The following GPT variants were observed in gnomAD, a reference collection of about 807,000 sequenced individuals.
GPT encodes glutamic--pyruvic transaminase.
Under a neutral mutation model 51.4 loss-of-function variants are expected in GPT, and 60 were observed. That is an observed-to-expected ratio of 1.17 (90% CI 0.95 to 1.45). The LOEUF (loss-of-function observed/expected upper bound fraction) is 1.45, where lower values mean the gene tolerates loss of function less well. Among genes scored for constraint, GPT ranks in the 40% most tolerant of loss-of-function variants. The pLI is 0.00. For missense variants in GPT, 853 were observed against 704.0 expected (o/e 1.21, Z -2.40); for synonymous variants, 397 against 303.1 (o/e 1.31, Z -3.22).
rs973977356 is a variant in GPT, at chr8:144,505,838, G to A, written c.740-10G>A. 8 of 1,543,526 alleles carry A rather than the reference G, an allele frequency of 5.2e-6. No individual in the cohort carries two copies. The highest frequency in any genetic ancestry group is 1.2e-5 in the South Asian group (1 of 84,324). On this transcript the variant is annotated splice_polypyrimidine_tract_variant and intron_variant, in intron 5 of 10. Coordinates refer to ENST00000394955, the MANE Select transcript of GPT (RefSeq NM_005309.3). ...GCTCACCCAGCACTGCTGCCTCCCCGGCACCCCAGGGCAGGTGCAGACCCG... is the reference window on the plus strand; with the variant it reads ...GCTCACCCAGCACTGCTGCCTCCCCAGCACCCCAGGGCAGGTGCAGACCCG...
At position 144,507,052 on chromosome 8, in the gene GPT, C is replaced by T. The variant is rs1181886639; in HGVS notation, c.*52C>T. 1 of 1,037,614 alleles carries T rather than the reference C, an allele frequency of 9.6e-7. No individual in the cohort carries two copies. Among genetic ancestry groups the T allele is most frequent in the Non-Finnish European group, 1.4e-6 (1 of 727,722 alleles). 64.3% of individuals were successfully genotyped at this position (1,037,614 alleles called of 1,614,324 possible). On this transcript the variant is annotated 3_prime_UTR_variant, in exon 11 of 11. Coordinates refer to ENST00000394955, the MANE Select transcript of GPT (RefSeq NM_005309.3). ...CGCCCTGGACTGTGTGCTCAGGAGC[C>T]CTGGGAGGCTCTGGAGCCCACTGTA...
Position 144,506,926 on chromosome 8 carries a change from C to G in GPT, c.1417C>G (p.Pro473Ala), listed in dbSNP as rs564095309. The change falls in exon 11 of 11, where the codon CCC becomes GCC. Residue 473 changes from proline to alanine, a missense_variant. Pro to Ala is a conservative substitution (Grantham distance 27). Coordinates refer to ENST00000394955, the MANE Select transcript of GPT (RefSeq NM_005309.3). The surrounding 1 kb of genome is among the most constrained non-coding windows in gnomAD (Gnocchi z 7.0). ...TCCTTTCAGGATGACCATTCTGCCC[C>G]CCTTGGAGAAACTGCGGCTGCTGCT... Reference protein sequence around the residue: ...TYHFRMTILPPLEKLRLLLEK... With the variant: ...TYHFRMTILPALEKLRLLLEK... 2 of 1,612,974 alleles carry G rather than the reference C, an allele frequency of 1.2e-6. No individual in the cohort carries two copies. The highest frequency in any genetic ancestry group is 1.3e-5 in the African/African-American group (1 of 75,060).
At chr8:144,503,745 G>A (rs13263528), upstream of GPT, 5 of 159,664 alleles carry the variant, frequency 3.1e-5, no homozygotes, top group Non-Finnish European at 4.1e-5. Flanking sequence ...CAAAGATGCG[G>A]GTGCCACGAG....
At position 144,507,106 on chromosome 8, in the gene GPT, T is replaced by TTG; in HGVS notation, c.*106_*107insTG. The TTG allele has an allele frequency of 1.2e-5, 2 of 161,086 alleles. No homozygotes were observed. Among genetic ancestry groups the TTG allele is most frequent in the Non-Finnish European group, 2.6e-5 (2 of 75,986 alleles). 10.0% of individuals were successfully genotyped at this position (161,086 alleles called of 1,614,324 possible). ...GCTCTTGATGCCTGGCGGGGTGGGGTGGGGGGGGTGCTGGGCCCCTGCCTC... is the reference window on the plus strand; with the variant it reads ...GCTCTTGATGCCTGGCGGGGTGGGGTTGGGGGGGGGTGCTGGGCCCCTGCCTC... On this transcript the variant is annotated 3_prime_UTR_variant, in exon 11 of 11. Transcript: ENST00000394955.
In GPT at chr8:144,506,738, G is replaced by A. The variant is rs1462891911; in HGVS notation, c.1295G>A (p.Gly432Asp). 9.9e-6 allele frequency: 16 copies of A among 1,611,402 alleles called. No individual in the cohort carries two copies. Among genetic ancestry groups the A allele is most frequent in the Middle Eastern group, 1.7e-4 (1 of 5,870 alleles). The stretch of plus-strand genomic sequence containing the variant: ...ACGGCTCTCCGTCCACAGGAGCTGG[G>A]CCTGGCCCCCGATATGTTCTTCTGC... Reference protein sequence around the residue: ...PRAVERAQELGLAPDMFFCLR... With the variant: ...PRAVERAQELDLAPDMFFCLR... The change falls in exon 10 of 11, where the codon GGC becomes GAC. Residue 432 changes from glycine to aspartate, a missense_variant. By Grantham distance (94) the Gly-to-Asp change is moderately conservative (BLOSUM62 -1). Transcript: ENST00000394955. The surrounding 1 kb of genome is among the most constrained non-coding windows in gnomAD (Gnocchi z 7.0).
chr8:144,506,467 C>G lies in GPT; in HGVS notation c.1132-34C>G. On this transcript the variant is annotated intron_variant, in intron 8 of 10. Transcript: ENST00000394955. The surrounding 1 kb of genome is among the most constrained non-coding windows in gnomAD (Gnocchi z 7.0). Reference sequence around the variant, plus strand: ...ATCAGGGGTGGGGGATGCCGAGTGCCGTGCCCTGATGGGCCCTCCCTCCGC... The same window carrying G: ...ATCAGGGGTGGGGGATGCCGAGTGCGGTGCCCTGATGGGCCCTCCCTCCGC... 6.3e-7 allele frequency: 1 copy of G among 1,581,242 alleles called. No homozygotes were observed. The highest frequency in any genetic ancestry group is 8.6e-7 in the Non-Finnish European group (1 of 1,164,886).
chr8:144,506,135 C>A lies in GPT; in HGVS notation c.956+4C>A, dbSNP rs754179437. ...CCTCCAAGGGCTACATGGGCGAGTG[C>A]GTGCGTACGAGGCGGGTGGGGGCTC... On this transcript the variant is annotated splice_donor_region_variant and intron_variant, in intron 7 of 10. Transcript: ENST00000394955. This position sits in a 1 kb window ranked among gnomAD's most constrained non-coding sequence, Gnocchi z 7.0. 6.2e-7 allele frequency: 1 copy of A among 1,611,178 alleles called. No individual in the cohort carries two copies. The highest frequency in any genetic ancestry group is 8.5e-7 in the Non-Finnish European group (1 of 1,178,900).
In GPT at chr8:144,504,596, C is replaced by T. The variant is rs561078996; in HGVS notation, c.163-8C>T. 3.7e-6 allele frequency: 6 copies of T among 1,612,698 alleles called. No homozygotes were observed. In the East Asian group the frequency reaches 6.7e-5, roughly 18 times the overall value. On this transcript the variant is annotated splice_polypyrimidine_tract_variant and splice_region_variant and intron_variant, in intron 1 of 10. Transcript: ENST00000394955. ...ACAGTCTCCCTGCCTGCTCCCCTCCCCTCCCAGGGTGTGAAGAAGCCTTTC... is the reference window on the plus strand; with the variant it reads ...ACAGTCTCCCTGCCTGCTCCCCTCCTCTCCCAGGGTGTGAAGAAGCCTTTC...
rs1826714831 is a variant in GPT, at chr8:144,505,011, C to G, written c.375C>G (p.Val125=). Residue 125 remains valine (V), a synonymous_variant, in exon 4 of 11, where the codon GTC becomes GTG. Coordinates refer to ENST00000394955, the MANE Select transcript of GPT (RefSeq NM_005309.3). ...CGGHSLGAYS[V]SSGIQLIRED... ...GCCCGAGTCCAGGGGCCTACAGCGT[C>G]AGCTCCGGCATCCAGCTGATCCGGG... The G allele has an allele frequency of 6.2e-7, 1 of 1,613,090 alleles. No homozygotes were observed. The highest frequency in any genetic ancestry group is 1.3e-5 in the African/African-American group (1 of 75,052).
At position 144,504,186 on chromosome 8, in the gene GPT, C is replaced by T. The variant is rs1226810695; in HGVS notation, c.-119C>T. ...GAGGGTGCTCTCTTGCCTGGAGTTC[C>T]CTCTGCTACGGCTGCCCCCTCCCAG... is the stretch of plus-strand genomic sequence containing the variant. On this transcript the variant is annotated 5_prime_UTR_variant, in exon 1 of 11. Coordinates refer to ENST00000394955, the MANE Select transcript of GPT (RefSeq NM_005309.3). 5 of 1,084,416 alleles carry T rather than the reference C, an allele frequency of 4.6e-6. No individual in the cohort carries two copies. The highest frequency in any genetic ancestry group is 1.4e-5 in the South Asian group (1 of 73,978). The allele number at this position is 1,084,416 out of a possible 1,614,324, so 67.2% of individuals were successfully genotyped here. A position where few individuals can be genotyped will look rare whatever the true frequency, so the allele number is the denominator to read the frequency against.
intron 3 of GPT, 54 bp from the exon 4 acceptor site, chr8:144,504,944 G>C (rs1826710786): frequency 1.2e-6 from 2 of 1,612,980 alleles, no homozygotes; most frequent in African/African-American, 2.7e-5. Flanking sequence ...AGTCCCTTGG[G>C]AGGGCTGAGG....
Position 144,506,866 on chromosome 8 carries a change from T to G in GPT, c.1400+23T>G. ...CCGGTGAGGCCTGGCCCTCACTCCC[T>G]GTCCCGCCACCCTGGCCCTTCACTC... On this transcript the variant is annotated intron_variant, in intron 10 of 10. Coordinates refer to ENST00000394955, the MANE Select transcript of GPT (RefSeq NM_005309.3). This position sits in a 1 kb window ranked among gnomAD's most constrained non-coding sequence, Gnocchi z 7.0. 1 of 1,611,904 alleles carries G rather than the reference T, an allele frequency of 6.2e-7. No homozygotes were observed.
In GPT at chr8:144,507,015, G is replaced by GA; in HGVS notation, c.*15_*16insA. ...AGTACTCCTGAGCACCCCAGCTGGG[G>GA]CCAGGCTGGGTCGCCCTGGACTGTG... On this transcript the variant is annotated 3_prime_UTR_variant, in exon 11 of 11. Transcript: ENST00000394955. 1 of 1,579,758 alleles carries GA rather than the reference G, an allele frequency of 6.3e-7. No individual in the cohort carries two copies. Among genetic ancestry groups the GA allele is most frequent in the Non-Finnish European group, 8.7e-7 (1 of 1,154,772 alleles).
rs770554695 is a variant in GPT, at chr8:144,505,034, G to A, written c.398G>A (p.Arg133Gln). ...GTCAGCTCCGGCATCCAGCTGATCC[G>A]GGAGGACGTGGCGCGGTACATTGAG... ...YSVSSGIQLI[R>Q]EDVARYIERR... Residue 133 changes from arginine to glutamine, a missense_variant, in exon 4 of 11, where the codon CGG becomes CAG. Physicochemically the swap from Arg to Gln is conservative, Grantham distance 43. Coordinates refer to ENST00000394955, the MANE Select transcript of GPT (RefSeq NM_005309.3). The A allele has an allele frequency of 1.7e-5, 28 of 1,613,030 alleles. No homozygotes were observed. The highest frequency in any genetic ancestry group is 1.0e-4 in the Admixed American group (6 of 60,010).
rs1826740525 is a variant in GPT at position 144,505,316 on chromosome 8, A to C, written c.566A>C (p.Tyr189Ser). The C allele has an allele frequency of 6.4e-7, 1 of 1,569,304 alleles. No homozygotes were observed. The highest frequency in any genetic ancestry group is 1.4e-5 in the African/African-American group (1 of 73,870). Reference sequence around the variant, plus strand: ...GGTGTGCTCATCCCCATCCCCCAGTACCCACTCTACTCGGCCACGCTGGCA... The same window carrying C: ...GGTGTGCTCATCCCCATCCCCCAGTCCCCACTCTACTCGGCCACGCTGGCA... ...RTGVLIPIPQ[Y>S]PLYSATLAEL... Residue 189 changes from tyrosine (Y) to serine (S), a missense_variant, in exon 5 of 11, where the codon TAC (tyrosine) becomes TCC (serine). Physicochemically the swap from Tyr to Ser is moderately radical, Grantham distance 144. Transcript: ENST00000394955.
In GPT at chr8:144,507,064, T is replaced by C; in HGVS notation, c.*64T>C. On this transcript the variant is annotated 3_prime_UTR_variant, in exon 11 of 11. Coordinates refer to ENST00000394955, the MANE Select transcript of GPT (RefSeq NM_005309.3). ...TGTGCTCAGGAGCCCTGGGAGGCTC[T>C]GGAGCCCACTGTACTTGCTCTTGAT... 4.7e-6 allele frequency: 3 copies of C among 642,708 alleles called. No individual in the cohort carries two copies. The highest frequency in any genetic ancestry group is 7.6e-6 in the Non-Finnish European group (3 of 394,920). The allele number at this position is 642,708 out of a possible 1,614,324, so 39.8% of individuals were successfully genotyped here.
intron 1 of GPT, 43 bp downstream of exon 1, chr8:144,504,509 G>A: frequency 1.9e-6 from 3 of 1,608,378 alleles, no homozygotes; most frequent in Non-Finnish European, 8.5e-7. Context: ...TCACAATGGG[G>A]TGGCCGAGTT....
In GPT at chr8:144,504,993, T is replaced by C. The variant is rs1564777067; in HGVS notation, c.362-5T>C. The stretch of plus-strand genomic sequence containing the variant: ...TACTTCCCATCCTGTCCTGCCCGAG[T>C]CCAGGGGCCTACAGCGTCAGCTCCG... On this transcript the variant is annotated splice_region_variant and splice_polypyrimidine_tract_variant and intron_variant, in intron 3 of 10. Transcript: ENST00000394955. 5 of 1,612,862 alleles carry C rather than the reference T, an allele frequency of 3.1e-6. No homozygotes were observed. The highest frequency in any genetic ancestry group is 4.2e-6 in the Non-Finnish European group (5 of 1,179,976).
chr8:144,503,432 G>A (rs895405937), upstream of GPT, among the ~76,000 whole-genome samples: 9 of 152,098 alleles, frequency 5.9e-5, no homozygotes, highest in Admixed American at 2.0e-4. Context: ...CCCTAGCCTC[G>A]GGTGTGTCCC....
Sources: gnomAD v4.1 joint callset for allele counts (sites outside exome capture counted in the v4.1 genomes callset) on GRCh38, gnomAD v4.1.1 for gene constraint, Gnocchi (gnomAD v3.1) non-coding constraint, MANE v1.5 for transcripts, NCBI Gene and HGNC (gene_info 2026-07-23, HGNC 2026-07-21) for gene names.